The following EIF4G2 variants were observed in gnomAD, a reference collection of about 807,000 sequenced individuals.
The protein encoded by EIF4G2 is eukaryotic translation initiation factor 4 gamma 2.
EIF4G2 carries 8 observed loss-of-function variants against 117.7 expected under a neutral mutation model. The observed-to-expected ratio is 0.07, with a 90% CI of 0.04 to 0.12. The LOEUF (loss-of-function observed/expected upper bound fraction) is 0.12. EIF4G2 is among the 10% of genes least tolerant of loss of function. The pLI is 1.00. For missense variants in EIF4G2, 812 were observed against 1,086.2 expected, an observed-to-expected ratio of 0.75 and a Z score of 3.55; for synonymous variants, 413 against 367.8, an observed-to-expected ratio of 1.12 and a Z score of -1.41.
rs376941878 is a variant in EIF4G2 at position 10,801,515 on chromosome 11, A to G, written c.1413+146T>C. 4.7e-5 allele frequency: 40 copies of G among 844,870 alleles called. 1 individual carries two copies. Among genetic ancestry groups the G allele is most frequent in the Non-Finnish European group, 7.7e-5 (38 of 491,766 alleles). 52.3% of individuals were successfully genotyped at this position (844,870 alleles called of 1,614,324 possible). ...CGCTCACAGGACGCTGGACATTCAA[A>G]GAAAGAAAAAGAAGTATAGAAAAGA... On this transcript the variant is annotated intron_variant, in intron 14 of 21. Coordinates refer to ENST00000339995, the MANE Select transcript of EIF4G2 (RefSeq NM_001418.4).
chr11:10,807,981 C>A (rs577065575), intron 1 of EIF4G2: 3 of 1,031,700 alleles, frequency 2.9e-6, no homozygotes, highest in Admixed American at 6.1e-5. Flanking sequence ...CCCACCCAGG[C>A]GCAAGTTAGG....
At chr11:10,804,477 T>A in intron 5 of EIF4G2, 59 bp from the exon 6 acceptor site, 1 of 1,519,722 alleles carries the variant, frequency 6.6e-7, no homozygotes, top group East Asian at 2.3e-5. Flanking sequence ...ACCCTTCCTT[T>A]AGGAAAAATA....
chr11:10,804,549 T>A, intron 5 of EIF4G2, 131 bp from the exon 6 acceptor site: 2 of 1,168,358 alleles, frequency 1.7e-6, no homozygotes, highest in Non-Finnish European at 2.3e-6. Flanking sequence ...AGATTTCATC[T>A]AGTCACATCC....
intron 21 of EIF4G2, among the ~76,000 whole-genome samples, chr11:10,798,560 A>AT (rs772057112): frequency 2.0e-4 from 31 of 151,680 alleles, no homozygotes; most frequent in Non-Finnish European, 3.4e-4. Context: ...AATTTTTTGT[A>AT]TTTTTTAGAG....
At position 10,797,911 on chromosome 11, in the gene EIF4G2, G is replaced by A. The variant is rs368791885; in HGVS notation, c.2659-30C>T. 107 of 1,603,462 alleles carry A rather than the reference G, an allele frequency of 6.7e-5. No homozygotes were observed. The African/African-American group carries it at 1.1e-3, about 17-fold the overall frequency. On this transcript the variant is annotated intron_variant, in intron 21 of 21. Transcript: ENST00000339995. This position sits in a 1 kb window ranked among gnomAD's most constrained non-coding sequence, Gnocchi z 4.5. ...AAATTAAGATTTGTAAATTAAAATA[G>A]TTCATGATATAAACAGAAATCCATC...
At chr11:10,801,862 A>G (rs892846516) in intron 13 of EIF4G2, 88 bp from the exon 14 acceptor site, 12 of 1,336,782 alleles carry the variant, frequency 9.0e-6, no homozygotes, top group African/African-American at 1.5e-5. Context: ...GCCAAGCCAT[A>G]AAGTTAGTTT....
At chr11:10,806,192 C>G (rs1275804506) in intron 3 of EIF4G2, 145 bp from the exon 4 acceptor site, 2 of 1,074,070 alleles carry the variant, frequency 1.9e-6, no homozygotes, top group South Asian at 1.6e-5. Flanking sequence ...GCTTCTGGAA[C>G]AGTAGTGTGC....
rs547808458 is a variant in EIF4G2, at chr11:10,807,102, C to T, written c.41+153G>A. ...AGGCAAATAATTGATTTTATTTATT[C>T]TTCAGATGGCAGTTCTTAGAAGGCT... On this transcript the variant is annotated intron_variant, in intron 2 of 21. Transcript: ENST00000339995. The T allele has an allele frequency of 1.1e-5, 14 of 1,244,332 alleles. No individual in the cohort carries two copies. The African/African-American group carries it at 2.1e-4, about 19-fold the overall frequency. The allele number at this position is 1,244,332 out of a possible 1,614,324, so 77.1% of individuals were successfully genotyped here.
At position 10,797,697 on chromosome 11, in the gene EIF4G2, T is replaced by C. The variant is rs1219047241; in HGVS notation, c.*119A>G. ...CAGAAGGAAATCCTAACTGACGTGC[T>C]TCTGCTTTAAATATTGTGAAAACAT... On this transcript the variant is annotated 3_prime_UTR_variant, in exon 22 of 22. Coordinates refer to ENST00000339995, the MANE Select transcript of EIF4G2 (RefSeq NM_001418.4). This position sits in a 1 kb window ranked among gnomAD's most constrained non-coding sequence, Gnocchi z 4.5. 2 of 1,075,070 alleles carry C rather than the reference T, an allele frequency of 1.9e-6. No homozygotes were observed. Among genetic ancestry groups the C allele is most frequent in the Admixed American group, 4.2e-5 (2 of 47,992 alleles). The allele number at this position is 1,075,070 out of a possible 1,614,324, so 66.6% of individuals were successfully genotyped here.
At chr11:10,805,860 CTAATCCACACT>C (rs769138553) in intron 4 of EIF4G2, 36 bp downstream of exon 4, 63 of 1,613,524 alleles carry the variant, frequency 3.9e-5, no homozygotes, top group East Asian at 1.8e-4. Flanking sequence ...CCAAACACAG[CTAATCCACACT>C]TCCCATCTTT....
Position 10,803,743 on chromosome 11 carries a change from T to C in EIF4G2, c.703-153A>G. The stretch of plus-strand genomic sequence containing the variant: ...CAGTCTGGTTGATCAGTTCTAACTC[T>C]ACTTTGTCAAACACACCACGTATTT... On this transcript the variant is annotated intron_variant, in intron 8 of 21. Coordinates refer to ENST00000339995, the MANE Select transcript of EIF4G2 (RefSeq NM_001418.4). This position sits in a 1 kb window ranked among gnomAD's most constrained non-coding sequence, Gnocchi z 4.0. 2 of 1,180,034 alleles carry C rather than the reference T, an allele frequency of 1.7e-6. No homozygotes were observed. Among genetic ancestry groups the C allele is most frequent in the South Asian group, 1.4e-5 (1 of 69,054 alleles). The allele number at this position is 1,180,034 out of a possible 1,614,324, so 73.1% of individuals were successfully genotyped here.
chr11:10,805,454 T>C (rs544864686), intron 4 of EIF4G2, among the ~76,000 whole-genome samples: 1 of 119,502 alleles, frequency 8.4e-6, no homozygotes, highest in East Asian at 2.7e-4. Flanking sequence ...CAGTTCAAGA[T>C]ACATTTTTTT....
intron 5 of EIF4G2, 128 bp downstream of exon 5, chr11:10,804,785 C>G (rs148827262): frequency 4.1e-6 from 3 of 735,200 alleles, no homozygotes; most frequent in African/African-American, 1.8e-5. Flanking sequence ...CATCAGTATT[C>G]AAAAATACAT....
At chr11:10,808,084 TG>T (rs1026365070) in intron 1 of EIF4G2, 1 of 1,057,144 alleles carries the variant, frequency 9.5e-7, no homozygotes, top group Non-Finnish European at 1.1e-6. Flanking sequence ...CCCAGCTCTT[TG>T]TTCTCCAAGC....
chr11:10,803,977 C>T lies in EIF4G2; in HGVS notation c.624G>A (p.Leu208=), dbSNP rs1420728763. Reference sequence around the variant, plus strand: ...GCTCTCCAATGAATTTGATGTTTCCCAACATCTTGATCTTAGCAATGGCTC... The same window carrying T: ...GCTCTCCAATGAATTTGATGTTTCCTAACATCTTGATCTTAGCAATGGCTC... The change falls in exon 8 of 22, where the codon TTG becomes TTA. Residue 208 remains leucine (L), a synonymous_variant. Coordinates refer to ENST00000339995, the MANE Select transcript of EIF4G2 (RefSeq NM_001418.4). The surrounding 1 kb of genome is among the most constrained non-coding windows in gnomAD (Gnocchi z 4.0). The T allele has an allele frequency of 1.9e-6, 3 of 1,613,986 alleles. No homozygotes were observed. The highest frequency in any genetic ancestry group is 2.5e-6 in the Non-Finnish European group (3 of 1,180,032).
chr11:10,804,265 G>A (rs1191995770), intron 6 of EIF4G2, 22 bp downstream of exon 6: 1 of 1,612,624 alleles, frequency 6.2e-7, no homozygotes, highest in Non-Finnish European at 8.5e-7. Context: ...TTTAAAACAA[G>A]CAAACAAAAA....
chr11:10,807,950 A>G, intron 1 of EIF4G2: 1 of 1,018,426 alleles, frequency 9.8e-7, no homozygotes, highest in African/African-American at 1.7e-5. Flanking sequence ...CTTCCTGGGA[A>G]CAAAAGAGCG....
rs150014705 is a variant in EIF4G2 at position 10,797,088 on chromosome 11, A to G, written c.*728T>C. The G allele has an allele frequency of 6.5e-6, 1 of 152,758 alleles. No individual in the cohort carries two copies. The highest frequency in any genetic ancestry group is 2.4e-5 in the African/African-American group (1 of 41,578). The allele number at this position is 152,758 out of a possible 1,614,324, so 9.5% of individuals were successfully genotyped here. On this transcript the variant is annotated 3_prime_UTR_variant, in exon 22 of 22. Transcript: ENST00000339995. This position sits in a 1 kb window ranked among gnomAD's most constrained non-coding sequence, Gnocchi z 4.5. Reference sequence around the variant, plus strand: ...ACAATGTTTATTGATAGATACAAGTATATAAAATCAGGGCATGAACATGAC... The same window carrying G: ...ACAATGTTTATTGATAGATACAAGTGTATAAAATCAGGGCATGAACATGAC...
Position 10,802,278 on chromosome 11 carries a change from G to T in EIF4G2, c.1138+16C>A. The T allele has an allele frequency of 6.2e-7, 1 of 1,611,284 alleles. No homozygotes were observed. The highest frequency in any genetic ancestry group is 2.2e-5 in the East Asian group (1 of 44,838). Reference sequence around the variant, plus strand: ...GATTTTTCAGCTTAACGCAACCATTGTTTTTTCAAAATTACCTGGCATTTG... The same window carrying T: ...GATTTTTCAGCTTAACGCAACCATTTTTTTTTCAAAATTACCTGGCATTTG... On this transcript the variant is annotated intron_variant, in intron 12 of 21. Transcript: ENST00000339995.
Sources: gnomAD v4.1 joint callset for allele counts (sites outside exome capture counted in the v4.1 genomes callset) on GRCh38, gnomAD v4.1.1 for gene constraint, Gnocchi (gnomAD v3.1) non-coding constraint, MANE v1.5 for transcripts, NCBI Gene and HGNC (gene_info 2026-07-23, HGNC 2026-07-21) for gene names.